BACH2: variants seen among roughly 807,000 people sequenced by gnomAD.
BACH2 encodes the protein transcription regulator protein BACH2.
BACH2 carries 5 observed loss-of-function variants against 61.8 expected under a neutral mutation model. That is an observed-to-expected ratio of 0.08 (90% CI 0.04 to 0.17). BACH2 has a LOEUF of 0.17. BACH2 is among the 10% of genes least tolerant of loss of function. The pLI is 1.00. For synonymous variants in BACH2, 446 were observed against 440.1 expected, an observed-to-expected ratio of 1.01 and a Z score of -0.17; for missense variants, 824 against 1,091.1, an observed-to-expected ratio of 0.76 and a Z score of 3.45.
intron 5 of BACH2, among the ~76,000 whole-genome samples, chr6:90,034,482 A>G (rs748694712): frequency 1.4e-4 from 21 of 152,160 alleles, no homozygotes; most frequent in Non-Finnish European, 2.1e-4. Context: ...TGGCCAATTA[A>G]TTATCAATTA....
chr6:90,159,805 A>G (rs1223608266), intron 4 of BACH2, among the ~76,000 whole-genome samples: 3 of 152,354 alleles, frequency 2.0e-5, no homozygotes, highest in African/African-American at 7.2e-5. Context: ...TACAGGCCAA[A>G]GGAGGAATAG....
intron 4 of BACH2, among the ~76,000 whole-genome samples, chr6:90,162,978 A>C (rs1054139329): frequency 6.6e-6 from 1 of 152,180 alleles, no homozygotes; most frequent in Admixed American, 6.5e-5. Context: ...CTCAAATAAA[A>C]ATAACTGATA....
chr6:90,025,454 A>G (rs1778587205), intron 5 of BACH2, among the ~76,000 whole-genome samples: 1 of 152,118 alleles, frequency 6.6e-6, no homozygotes. Context: ...TTCTCCATTT[A>G]TATTCACTTC....
intron 5 of BACH2, among the ~76,000 whole-genome samples, chr6:90,025,195 G>A (rs1054516232): frequency 6.6e-6 from 1 of 152,212 alleles, no homozygotes; most frequent in Non-Finnish European, 1.5e-5. Flanking sequence ...GGCAGTGGGT[G>A]TGTGGACCAG....
In BACH2 at chr6:90,176,371, T is replaced by C. The variant is rs115563055; in HGVS notation, c.-162+30198A>G. ...AAATACTGAGAGTTTGAGAGTTCAG[T>C]GGTCGAAAAACAGGAGATAGCTGTG... On this transcript the variant is annotated intron_variant, in intron 4 of 8. Transcript: ENST00000257749. Among the ~76,000 whole-genome samples the C allele has an allele frequency of 8.3e-3, 1,264 of 152,154 alleles. 13 individuals carry two copies. The highest frequency in any genetic ancestry group is 0.028 in the African/African-American group (1,172 of 41,530).
At chr6:90,067,830 T>C (rs1431964865) in intron 5 of BACH2, among the ~76,000 whole-genome samples, 1 of 152,162 alleles carries the variant, frequency 6.6e-6, no homozygotes, top group East Asian at 1.9e-4. Flanking sequence ...AGACTATGCA[T>C]GCAGTGTGGT....
intron 3 of BACH2, among the ~76,000 whole-genome samples, chr6:90,246,246 A>G (rs2127867742): frequency 6.6e-6 from 1 of 152,358 alleles, no homozygotes; most frequent in African/African-American, 2.4e-5. Context: ...CAAAACAGTT[A>G]TAAAGCAGAG....
At chr6:90,033,346 T>G (rs1278460241) in intron 5 of BACH2, among the ~76,000 whole-genome samples, 1 of 140,236 alleles carries the variant, frequency 7.1e-6, no homozygotes, top group African/African-American at 2.7e-5. Context: ...ACCCTGAAAC[T>G]TAAATAAAAA....
At chr6:90,066,601 T>A (rs927147436) in intron 5 of BACH2, among the ~76,000 whole-genome samples, 1 of 152,194 alleles carries the variant, frequency 6.6e-6, no homozygotes, top group African/African-American at 2.4e-5. Flanking sequence ...CAAATAGAGC[T>A]GATCATGTGC....
chr6:90,008,981 G>GT lies in BACH2; in HGVS notation c.-12-126_-12-125insA. ...GTGTCCCACTGCCATGAGCATGGCA[G>GT]GAAGGAGGGGAATTACCAATCAGCA... On this transcript the variant is annotated intron_variant, in intron 5 of 8. Coordinates refer to ENST00000257749, the MANE Select transcript of BACH2 (RefSeq NM_021813.4). The surrounding 1 kb of genome is among the most constrained non-coding windows in gnomAD (Gnocchi z 4.1). 5.3e-6 allele frequency: 6 copies of GT among 1,129,394 alleles called. No homozygotes were observed. The highest frequency in any genetic ancestry group is 7.4e-6 in the Non-Finnish European group (6 of 813,190). 70.0% of individuals were successfully genotyped at this position (1,129,394 alleles called of 1,614,324 possible). A position where few individuals can be genotyped will look rare whatever the true frequency, so the allele number is the denominator to read the frequency against.
chr6:90,076,054 G>C (rs1390911039), intron 5 of BACH2, among the ~76,000 whole-genome samples: 1 of 151,864 alleles, frequency 6.6e-6, no homozygotes, highest in Non-Finnish European at 1.5e-5. Flanking sequence ...TAGAAGAAGC[G>C]AAAAAAATGA....
Position 89,999,782 on chromosome 6 carries a change from G to A in BACH2, c.243+8820C>T, listed in dbSNP as rs148723481. ...GAGTTTAAAAATGAATAGATACGCC[G>A]GTAACTATTTTAAAAAAATTGATGC... On this transcript the variant is annotated intron_variant, in intron 6 of 8. Transcript: ENST00000257749. Among the ~76,000 whole-genome samples, 705 of 152,130 alleles carry A rather than the reference G, an allele frequency of 4.6e-3. 6 individuals are homozygous for A. The highest frequency in any genetic ancestry group is 4.1e-3 in the Non-Finnish European group (282 of 67,998).
At chr6:90,235,465 T>C (rs1770229116) in intron 3 of BACH2, among the ~76,000 whole-genome samples, 1 of 152,154 alleles carries the variant, frequency 6.6e-6, no homozygotes, top group Non-Finnish European at 1.5e-5. Context: ...ATTACAAAGG[T>C]AGAACTGTTT....
intron 5 of BACH2, among the ~76,000 whole-genome samples, chr6:90,073,111 G>T (rs907537868): frequency 6.6e-6 from 1 of 152,224 alleles, no homozygotes; most frequent in Non-Finnish European, 1.5e-5. Context: ...AGTTATCCCC[G>T]CTTGGGCGAG....
At chr6:90,079,701 T>C (rs778012791) in intron 5 of BACH2, among the ~76,000 whole-genome samples, 2 of 152,306 alleles carry the variant, frequency 1.3e-5, no homozygotes, top group South Asian at 2.1e-4. Flanking sequence ...TTGCACTACA[T>C]ATTCTGATTT....
intron 6 of BACH2, among the ~76,000 whole-genome samples, chr6:90,007,464 G>A (rs1003624650): frequency 6.6e-6 from 1 of 152,114 alleles, no homozygotes; most frequent in African/African-American, 2.4e-5. Flanking sequence ...ACTGCACCTG[G>A]CTTCTTGTTT....
chr6:90,128,572 T>C (rs980621810), intron 4 of BACH2, among the ~76,000 whole-genome samples: 5 of 152,160 alleles, frequency 3.3e-5, no homozygotes, highest in African/African-American at 1.2e-4. Flanking sequence ...AGGGCGAGAC[T>C]CTGTCTCAAC....
At chr6:90,290,251 A>C (rs1360303541) in intron 1 of BACH2, among the ~76,000 whole-genome samples, 2 of 152,208 alleles carry the variant, frequency 1.3e-5, no homozygotes, top group African/African-American at 4.8e-5. Context: ...CAACCTCCCG[A>C]CCAGGTTAAA....
At chr6:90,199,065 G>A (rs575577678) in intron 4 of BACH2, among the ~76,000 whole-genome samples, 7 of 152,220 alleles carry the variant, frequency 4.6e-5, no homozygotes, top group East Asian at 3.9e-4. Flanking sequence ...TGAGGCCTCC[G>A]ATGTAACTGT....
Sources: gnomAD v4.1 joint callset for allele counts (sites outside exome capture counted in the v4.1 genomes callset) on GRCh38, gnomAD v4.1.1 for gene constraint, Gnocchi (gnomAD v3.1) non-coding constraint, MANE v1.5 for transcripts, NCBI Gene and HGNC (gene_info 2026-07-23, HGNC 2026-07-21) for gene names.